The following TAFA1 variants were observed in gnomAD, a reference collection of about 807,000 sequenced individuals.
The protein encoded by TAFA1 is TAFA chemokine like family member 1, also known as chemokine-like protein TAFA-1.
In TAFA1, 4 loss-of-function variants were observed where a neutral mutation model predicts 18.5. That is an observed-to-expected ratio of 0.22 (90% CI 0.11 to 0.49). The LOEUF (loss-of-function observed/expected upper bound fraction) is 0.49, where lower values mean the gene tolerates loss of function less well. Ranked by LOEUF, TAFA1 falls within the 20% of genes least tolerant of loss-of-function variation. The pLI, the probability that TAFA1 is intolerant of heterozygous loss-of-function variation, is 0.98. For synonymous variants in TAFA1, 56 were observed against 55.2 expected (o/e 1.01, Z -0.06); for missense variants, 147 against 169.0 (o/e 0.87, Z 0.72).
In TAFA1 at chr3:68,004,577, TAAAG is replaced by T. The variant is rs1193594496; in HGVS notation, c.-126_-123del. 6.6e-6 allele frequency: 1 copy of T among 151,244 alleles called. No individual in the cohort carries two copies. The highest frequency in any genetic ancestry group is 1.5e-5 in the Non-Finnish European group (1 of 67,934). The allele number at this position is 151,244 out of a possible 1,614,324, so 9.4% of individuals were successfully genotyped here. On this transcript the variant is annotated 5_prime_UTR_variant, in exon 1 of 5. Transcript: ENST00000478136. The stretch of plus-strand genomic sequence containing the variant: ...AACATTTTTTTTTTTTTAATCCTGA[TAAAG>T]AAGATTGTTGGGAAGCTCTTTGAAA...
chr3:68,335,183 A>G (rs1002574529), intron 2 of TAFA1, among the ~76,000 whole-genome samples: 1 of 152,164 alleles, frequency 6.6e-6, no homozygotes, highest in Non-Finnish European at 1.5e-5. Flanking sequence ...TCTTCATAGG[A>G]TAAGCTAATA....
intron 2 of TAFA1, among the ~76,000 whole-genome samples, chr3:68,218,043 T>G (rs2066680835): frequency 6.6e-6 from 1 of 152,116 alleles, no homozygotes; most frequent in South Asian, 2.1e-4. Context: ...TGTCTTCAGA[T>G]CTTTATGACA....
At chr3:68,124,286 T>A (rs975191712) in intron 2 of TAFA1, among the ~76,000 whole-genome samples, 3 of 152,222 alleles carry the variant, frequency 2.0e-5, no homozygotes, top group Non-Finnish European at 4.4e-5. Context: ...GTCTCACTGT[T>A]CTTAGCAGTT....
chr3:68,130,619 A>G (rs1181980092), intron 2 of TAFA1, among the ~76,000 whole-genome samples: 1 of 152,212 alleles, frequency 6.6e-6, no homozygotes, highest in African/African-American at 2.4e-5. Flanking sequence ...GCCACTGCCT[A>G]CAAAGCCCTT....
intron 2 of TAFA1, among the ~76,000 whole-genome samples, chr3:68,352,403 A>G (rs2069285813): frequency 6.6e-6 from 1 of 151,992 alleles, no homozygotes; most frequent in South Asian, 2.1e-4. Context: ...ATTCTAGAGA[A>G]TTGACAAGGC....
intron 2 of TAFA1, among the ~76,000 whole-genome samples, chr3:68,394,865 A>G (rs532592983): frequency 6.6e-6 from 1 of 152,210 alleles, no homozygotes; most frequent in East Asian, 1.9e-4. Flanking sequence ...AACCTAGGCA[A>G]ATACCATTCA....
intron 3 of TAFA1, among the ~76,000 whole-genome samples, chr3:68,444,388 C>G (rs1011437535): frequency 3.3e-5 from 5 of 152,118 alleles, no homozygotes; most frequent in African/African-American, 1.2e-4. Context: ...CTCTGTCACT[C>G]TCGTGTGACA....
chr3:68,441,956 A>T (rs759640684), intron 3 of TAFA1, among the ~76,000 whole-genome samples: 2 of 152,150 alleles, frequency 1.3e-5, no homozygotes, highest in Non-Finnish European at 2.9e-5. Context: ...ACATGGAAGG[A>T]TAAATGGCCA....
At chr3:68,383,781 G>T in intron 2 of TAFA1, among the ~76,000 whole-genome samples, 1 of 152,106 alleles carries the variant, frequency 6.6e-6, no homozygotes, top group Non-Finnish European at 1.5e-5. Flanking sequence ...ATATCTGGTA[G>T]TATTCAGCTG....
intron 3 of TAFA1, among the ~76,000 whole-genome samples, chr3:68,491,249 T>C (rs1316138142): frequency 1.3e-5 from 2 of 152,096 alleles, no homozygotes; most frequent in African/African-American, 4.8e-5. Context: ...CGTATGTTTA[T>C]TGCAGCACTA....
chr3:68,151,963 C>T (rs1044572305), intron 2 of TAFA1, among the ~76,000 whole-genome samples: 1 of 152,150 alleles, frequency 6.6e-6, no homozygotes, highest in Non-Finnish European at 1.5e-5. Context: ...CAATAGACAT[C>T]ATTTAATGGA....
chr3:68,489,540 C>T (rs1216550293), intron 3 of TAFA1, among the ~76,000 whole-genome samples: 4 of 152,040 alleles, frequency 2.6e-5, no homozygotes, highest in African/African-American at 7.2e-5. Context: ...TACTGTGGTC[C>T]GTAGACCCCC....
intron 2 of TAFA1, among the ~76,000 whole-genome samples, chr3:68,344,202 T>C (rs2069130189): frequency 1.3e-5 from 2 of 152,190 alleles, no homozygotes; most frequent in Non-Finnish European, 1.5e-5. Flanking sequence ...ATCTCTCAAA[T>C]AATGTATATT....
chr3:68,172,772 G>C (rs1282901669), intron 2 of TAFA1, among the ~76,000 whole-genome samples: 1 of 151,924 alleles, frequency 6.6e-6, no homozygotes, highest in Non-Finnish European at 1.5e-5. Context: ...GTCACCAAAG[G>C]GCGCATAATA....
intron 2 of TAFA1, among the ~76,000 whole-genome samples, chr3:68,191,852 T>C (rs2066344778): frequency 6.6e-6 from 1 of 151,858 alleles, no homozygotes. Context: ...AGTTATTATC[T>C]AAGACGTGAT....
At chr3:68,483,934 G>A (rs544295634) in intron 3 of TAFA1, among the ~76,000 whole-genome samples, 4 of 152,288 alleles carry the variant, frequency 2.6e-5, no homozygotes, top group East Asian at 1.9e-4. Flanking sequence ...GGGAAGCCAC[G>A]GAAGGATTTT....
At chr3:68,242,824 G>A (rs941794443) in intron 2 of TAFA1, among the ~76,000 whole-genome samples, 1 of 152,120 alleles carries the variant, frequency 6.6e-6, no homozygotes, top group Admixed American at 6.5e-5. Flanking sequence ...AGACGTGTGT[G>A]TGTGTGTGCA....
chr3:68,512,693 T>C (rs78648087), intron 3 of TAFA1, among the ~76,000 whole-genome samples: 32,961 of 122,852 alleles, frequency 0.27, 4,250 homozygotes, highest in East Asian at 0.39. Flanking sequence ...TGTTTGTTTG[T>C]TTGTTTGTTT....
chr3:68,407,564 A>C (rs1404811784), intron 2 of TAFA1, among the ~76,000 whole-genome samples: 2 of 152,046 alleles, frequency 1.3e-5, no homozygotes, highest in Admixed American at 6.6e-5. Context: ...CCTCAACCTT[A>C]CTCTTAAACC....
Sources: allele counts gnomAD v4.1 joint callset (sites outside exome capture counted in the v4.1 genomes callset), GRCh38; gene constraint gnomAD v4.1.1; transcripts MANE v1.5; gene names NCBI Gene and HGNC (gene_info 2026-07-23, HGNC 2026-07-21).